The following TASOR variants were observed in gnomAD, a reference collection of about 807,000 sequenced individuals.
TASOR encodes the protein transcription activation suppressor, also known as protein TASOR.
A neutral mutation model predicts 178.6 loss-of-function variants in TASOR; 53 were observed. The observed-to-expected ratio is 0.30, with a 90% CI of 0.24 to 0.37. The LOEUF (loss-of-function observed/expected upper bound fraction) is 0.37, where lower values mean the gene tolerates loss of function less well. Ranked by LOEUF, TASOR falls within the 10% of genes least tolerant of loss-of-function variation. TASOR has a pLI of 1.00. For synonymous variants in TASOR, 713 were observed against 696.2 expected, an observed-to-expected ratio of 1.02 and a Z score of -0.38; for missense variants, 1,815 against 1,971.4, an observed-to-expected ratio of 0.92 and a Z score of 1.50.
chr3:56,673,845 T>C, intron 1 of TASOR, 120 bp from the exon 2 acceptor site: 2 of 847,200 alleles, frequency 2.4e-6, no homozygotes, highest in Non-Finnish European at 3.5e-6. Context: ...CAAGGCTATC[T>C]TACTTTGTGA....
intron 11 of TASOR, among the ~76,000 whole-genome samples, chr3:56,657,160 T>G (rs1171327000): frequency 6.6e-6 from 1 of 151,242 alleles, no homozygotes; most frequent in Admixed American, 6.6e-5. Context: ...AAACCCCATC[T>G]CTACTAAGAA....
intron 11 of TASOR, 63 bp from the exon 12 acceptor site, chr3:56,649,120 A>T: frequency 8.1e-7 from 1 of 1,236,894 alleles, no homozygotes; most frequent in Non-Finnish European, 1.1e-6. Flanking sequence ...TAAGGCAGAC[A>T]CACAGCATTT....
chr3:56,627,078 T>C lies in TASOR; in HGVS notation c.4098A>G (p.Lys1366=). The C allele has an allele frequency of 1.2e-6, 2 of 1,612,902 alleles. No individual in the cohort carries two copies. The highest frequency in any genetic ancestry group is 1.7e-6 in the Non-Finnish European group (2 of 1,179,420). Residue 1366 remains lysine, a synonymous_variant, in exon 21 of 24, where the codon AAA becomes AAG. Coordinates refer to ENST00000683822, the MANE Select transcript of TASOR (RefSeq NM_001365635.2). Reference sequence around the variant, plus strand: ...GTTTCTTCTGAAATTTACAGTGGACTTTCCATTGCCATTTTCCTTCTGGAG... The same window carrying C: ...GTTTCTTCTGAAATTTACAGTGGACCTTCCATTGCCATTTTCCTTCTGGAG... ...LSTPEGKWQW[K]VHCKFQKKLK...
chr3:56,627,091 T>G lies in TASOR; in HGVS notation c.4085A>C (p.Lys1362Thr). The G allele has an allele frequency of 6.2e-7, 1 of 1,613,260 alleles. No individual in the cohort carries two copies. Among genetic ancestry groups the G allele is most frequent in the Non-Finnish European group, 8.5e-7 (1 of 1,179,578 alleles). The change falls in exon 21 of 24, where the codon AAA becomes ACA. Residue 1362 changes from lysine to threonine, a missense_variant. Transcript: ENST00000683822. ...FLEELSTPEG[K>T]WQWKVHCKFQ... Reference sequence around the variant, plus strand: ...TTTACAGTGGACTTTCCATTGCCATTTTCCTTCTGGAGTACTAAGTTCCTC... The same window carrying G: ...TTTACAGTGGACTTTCCATTGCCATGTTCCTTCTGGAGTACTAAGTTCCTC...
rs757928704 is a variant in TASOR, at chr3:56,682,967, C to T, written c.40G>A (p.Asp14Asn). 7.1e-6 allele frequency: 11 copies of T among 1,549,234 alleles called. No homozygotes were observed. The highest frequency in any genetic ancestry group is 2.0e-5 in the Admixed American group (1 of 50,902). The change falls in exon 1 of 24, where the codon GAT (aspartate) becomes AAT (asparagine). Residue 14 changes from aspartate (D) to asparagine (N), a missense_variant. By Grantham distance (23) the Asp-to-Asn change is conservative. Around this residue, in one of 5 missense-constraint regions of TASOR, gnomAD observed 244 missense variants for 202.7 expected, o/e 1.20. Coordinates refer to ENST00000683822, the MANE Select transcript of TASOR (RefSeq NM_001365635.2). ...CCGCCGCCACTTTCCCAACTCGCAT[C>T]CGTCGGCTGACAGGCCTCCGTCTCC... The part of the protein sequence containing the change: ...AVETEACQPT[D>N]ASWESGGGGD...
At chr3:56,675,733 A>G (rs2031233654) in intron 1 of TASOR, among the ~76,000 whole-genome samples, 1 of 152,232 alleles carries the variant, frequency 6.6e-6, no homozygotes, top group Non-Finnish European at 1.5e-5. Context: ...TCAAGAATGT[A>G]ACAGTCAAAA....
intron 11 of TASOR, among the ~76,000 whole-genome samples, chr3:56,660,307 C>T (rs1477232684): frequency 2.6e-5 from 4 of 151,614 alleles, no homozygotes; most frequent in Admixed American, 1.3e-4. Context: ...CTGGACAACA[C>T]GGTGAAACCC....
At chr3:56,664,154 G>C (rs561436197) in intron 7 of TASOR, 1 of 152,006 alleles carries the variant, frequency 6.6e-6, no homozygotes, top group African/African-American at 2.4e-5. Context: ...AAGAAATGTA[G>C]AATGAATTAT....
intron 1 of TASOR, among the ~76,000 whole-genome samples, chr3:56,677,172 T>C (rs2031378107): frequency 6.6e-6 from 1 of 152,226 alleles, no homozygotes; most frequent in South Asian, 2.1e-4. Flanking sequence ...TACATGTATC[T>C]CGATCAATGT....
In TASOR at chr3:56,624,934, C is replaced by T. The variant is rs1340997011; in HGVS notation, c.4212G>A (p.Leu1404=). The T allele has an allele frequency of 5.6e-6, 9 of 1,613,998 alleles. No homozygotes were observed. In the Admixed American group the frequency reaches 1.5e-4, roughly 27 times the overall value. The change falls in exon 22 of 24, where the codon TTG becomes TTA. Residue 1404 remains leucine (L), a synonymous_variant. Coordinates refer to ENST00000683822, the MANE Select transcript of TASOR (RefSeq NM_001365635.2). ...TTTGTGAATCACAATTGTGGTATGA[C>T]AAAATTTCAACCAGATGTTTCTTCT... The part of the protein sequence containing the change: ...VYQKKHLVEI[L]SYHNCDSQTR...
chr3:56,648,628 TATCA>T (rs1559833474), intron 13 of TASOR, among the ~76,000 whole-genome samples, 190 bp downstream of exon 13: 1 of 49,004 alleles, frequency 2.0e-5, no homozygotes, highest in African/African-American at 1.0e-4. Context: ...CAAAACTCTG[TATCA>T]AAAAAAAAAA....
At chr3:56,657,747 C>T (rs1559841092) in intron 11 of TASOR, among the ~76,000 whole-genome samples, 1 of 152,104 alleles carries the variant, frequency 6.6e-6, no homozygotes, top group Non-Finnish European at 1.5e-5. Context: ...TCTCTTGGTC[C>T]AAGAGGGCTA....
chr3:56,676,149 C>G (rs1352914510), intron 1 of TASOR, among the ~76,000 whole-genome samples: 1 of 136,156 alleles, frequency 7.3e-6, no homozygotes, highest in Non-Finnish European at 1.5e-5. Flanking sequence ...TCCATGAGAG[C>G]AGGAACCTGC....
chr3:56,634,272 A>T (rs36064180), intron 17 of TASOR, among the ~76,000 whole-genome samples: 5,093 of 152,292 alleles, frequency 0.033, 114 homozygotes, highest in Middle Eastern at 0.078. Context: ...CATTCTGTAG[A>T]TCTAAGTTTA....
intron 15 of TASOR, 94 bp from the exon 16 acceptor site, chr3:56,640,224 A>G (rs1272601481): frequency 1.8e-6 from 2 of 1,099,606 alleles, no homozygotes; most frequent in Non-Finnish European, 2.7e-6. Context: ...ACGTGCTTCA[A>G]TCTAAACATT....
chr3:56,622,930 AAG>A lies in TASOR; in HGVS notation c.*105_*106del. Reference sequence around the variant, plus strand: ...TTACAGGCCATCATGATTTAAATAAAAGAAAAAACATTTGAGAAAGAACAAGA... The same window carrying A: ...TTACAGGCCATCATGATTTAAATAAAAAAAAACATTTGAGAAAGAACAAGA... On this transcript the variant is annotated 3_prime_UTR_variant, in exon 24 of 24. Transcript: ENST00000683822. The A allele has an allele frequency of 2.9e-6, 2 of 697,656 alleles. No homozygotes were observed. The highest frequency in any genetic ancestry group is 4.4e-6 in the Non-Finnish European group (2 of 449,902). 43.2% of individuals were successfully genotyped at this position (697,656 alleles called of 1,614,324 possible).
chr3:56,648,566 G>A (rs1156358495), intron 13 of TASOR, among the ~76,000 whole-genome samples: 1 of 149,892 alleles, frequency 6.7e-6, no homozygotes, highest in Non-Finnish European at 1.5e-5. Flanking sequence ...GGGAGGTGGA[G>A]GTCGCAGTGA....
intron 11 of TASOR, among the ~76,000 whole-genome samples, chr3:56,652,196 G>C (rs938744197): frequency 6.6e-6 from 1 of 152,186 alleles, no homozygotes; most frequent in African/African-American, 2.4e-5. Flanking sequence ...AGTGAATTCT[G>C]AGATGAAAAT....
intron 18 of TASOR, among the ~76,000 whole-genome samples, chr3:56,631,060 T>C (rs2076902073): frequency 2.0e-5 from 3 of 151,986 alleles, no homozygotes; most frequent in Non-Finnish European, 4.4e-5. Context: ...CTAGGGAACT[T>C]GTTGCTGGCT....
Sources: gnomAD v4.1 joint callset for allele counts (sites outside exome capture counted in the v4.1 genomes callset) on GRCh38, gnomAD v4.1.1 for gene constraint, gnomAD v4.1.1 regional missense constraint, MANE v1.5 for transcripts, NCBI Gene and HGNC (gene_info 2026-07-23, HGNC 2026-07-21) for gene names.